Variants in HMCN1 observed in about 807,000 individuals in gnomAD.
HMCN1 encodes the protein hemicentin 1.
Under a neutral mutation model 625.9 loss-of-function variants are expected in HMCN1, and 321 were observed. The observed-to-expected ratio is 0.51, with a 90% CI of 0.47 to 0.56. HMCN1 has a LOEUF of 0.56. Among genes scored for constraint, HMCN1 ranks in the 20% least tolerant of loss-of-function variants. The probability of loss-of-function intolerance (pLI) is 0.00; values close to 1 mark genes in which losing one functional copy is unlikely to be tolerated. For missense variants in HMCN1, 6,588 were observed against 6,887.3 expected (o/e 0.96, Z 1.54); for synonymous variants, 2,425 against 2,417.6 (o/e 1.00, Z -0.09).
Position 185,821,042 on chromosome 1 carries a change from A to AAT in HMCN1, c.269-24973_269-24972dup, listed in dbSNP as rs1247246844. Among the ~76,000 whole-genome samples the AAT allele has an allele frequency of 6.0e-4, 91 of 151,528 alleles. 1 individual carries two copies. The highest frequency in any genetic ancestry group is 1.9e-3 in the African/African-American group (78 of 41,358). On this transcript the variant is annotated intron_variant, in intron 1 of 106. Coordinates refer to ENST00000271588, the MANE Select transcript of HMCN1 (RefSeq NM_031935.3). ...CTGTAATATATATATATGTACATGT[A>AAT]ATATATATATATCTATATATATGCT...
intron 42 of HMCN1, 138 bp from the exon 43 acceptor site, chr1:186,052,814 A>T: frequency 1.4e-6 from 1 of 736,202 alleles, no homozygotes; most frequent in Non-Finnish European, 2.4e-6. Context: ...GGTGACTTTT[A>T]ATTTGATGTT....
At chr1:186,000,591 G>GTGTA (rs1553272429) in intron 26 of HMCN1, among the ~76,000 whole-genome samples, 1 of 146,012 alleles carries the variant, frequency 6.8e-6, no homozygotes, top group Admixed American at 6.8e-5. Flanking sequence ...GTGTGTGTGT[G>GTGTA]TATGTATGTG....
chr1:185,793,589 T>C (rs1658149662), intron 1 of HMCN1, among the ~76,000 whole-genome samples: 1 of 152,226 alleles, frequency 6.6e-6, no homozygotes, highest in African/African-American at 2.4e-5. Context: ...GGGAGGCCAT[T>C]ATTCTGCCTA....
At chr1:185,761,570 A>G (rs1282992199) in intron 1 of HMCN1, among the ~76,000 whole-genome samples, 5 of 152,166 alleles carry the variant, frequency 3.3e-5, no homozygotes, top group Non-Finnish European at 4.4e-5. Context: ...TAATTTCACC[A>G]TCAAAGAGTC....
intron 30 of HMCN1, among the ~76,000 whole-genome samples, chr1:186,007,922 C>T (rs928132905): frequency 1.3e-5 from 2 of 152,108 alleles, no homozygotes; most frequent in Admixed American, 1.3e-4. Context: ...GAATGGAACT[C>T]AATAGACCTG....
intron 11 of HMCN1, among the ~76,000 whole-genome samples, chr1:185,944,793 G>A (rs1329694218): frequency 6.6e-6 from 1 of 152,206 alleles, no homozygotes; most frequent in African/African-American, 2.4e-5. Context: ...TGTCTTCAGT[G>A]TGTAACATAA....
chr1:185,995,885 G>A (rs1013173686), intron 24 of HMCN1, among the ~76,000 whole-genome samples: 6 of 152,156 alleles, frequency 3.9e-5, no homozygotes, highest in Non-Finnish European at 8.8e-5. Flanking sequence ...AGATAAGCAG[G>A]TATGGTATTT....
chr1:185,870,254 C>T (rs946999199), intron 4 of HMCN1, among the ~76,000 whole-genome samples: 2 of 152,056 alleles, frequency 1.3e-5, no homozygotes, highest in Admixed American at 6.6e-5. Flanking sequence ...CAGTATTATT[C>T]CATTATTTAT....
At chr1:185,868,507 A>C (rs567584767) in intron 4 of HMCN1, among the ~76,000 whole-genome samples, 1 of 152,084 alleles carries the variant, frequency 6.6e-6, no homozygotes, top group Non-Finnish European at 1.5e-5. Flanking sequence ...TGGTTTTATA[A>C]GGGGCCTTTC....
intron 29 of HMCN1, among the ~76,000 whole-genome samples, chr1:186,005,244 C>T (rs28595149): frequency 0.97 from 70,976 of 73,004 alleles, 34,792 homozygotes; most frequent in Non-Finnish European, 0.99. Flanking sequence ...TGTTTATAAA[C>T]GTTTATAAAC....
At chr1:185,819,746 A>G (rs1314905570) in intron 1 of HMCN1, among the ~76,000 whole-genome samples, 1 of 152,226 alleles carries the variant, frequency 6.6e-6, no homozygotes, top group Non-Finnish European at 1.5e-5. Context: ...ATTGCCCCAA[A>G]TATTTGAAAA....
intron 1 of HMCN1, among the ~76,000 whole-genome samples, chr1:185,844,075 G>A (rs1661656504): frequency 6.6e-6 from 1 of 151,936 alleles, no homozygotes; most frequent in African/African-American, 2.4e-5. Flanking sequence ...GATTATTTCA[G>A]TATTATGCAA....
intron 1 of HMCN1, among the ~76,000 whole-genome samples, chr1:185,764,767 A>C (rs1025161958): frequency 1.3e-5 from 2 of 152,192 alleles, no homozygotes; most frequent in Non-Finnish European, 2.9e-5. Flanking sequence ...ATTTGAATAA[A>C]GTCTATATGA....
intron 1 of HMCN1, among the ~76,000 whole-genome samples, chr1:185,826,618 C>A (rs535436368): frequency 6.6e-6 from 1 of 152,216 alleles, no homozygotes; most frequent in South Asian, 2.1e-4. Flanking sequence ...AAAAGATGGG[C>A]CAACCACATG....
intron 1 of HMCN1, among the ~76,000 whole-genome samples, chr1:185,735,559 G>T (rs767072919): frequency 2.0e-5 from 3 of 152,260 alleles, no homozygotes; most frequent in Non-Finnish European, 4.4e-5. Context: ...GAAAAGAAAA[G>T]AGAGAAACCA....
intron 4 of HMCN1, among the ~76,000 whole-genome samples, chr1:185,889,680 A>G (rs538538267): frequency 4.3e-5 from 6 of 138,756 alleles, no homozygotes; most frequent in South Asian, 2.3e-4. Flanking sequence ...ATGGTGGATA[A>G]GCTTTTTGAT....
Position 186,015,906 on chromosome 1 carries a change from A to G in HMCN1, c.4910-52A>G, listed in dbSNP as rs940926129. The G allele has an allele frequency of 5.3e-6, 8 of 1,500,516 alleles. No homozygotes were observed. In the African/African-American group the frequency reaches 8.3e-5, roughly 16 times the overall value. 93.0% of individuals were successfully genotyped at this position (1,500,516 alleles called of 1,614,324 possible). On this transcript the variant is annotated intron_variant, in intron 31 of 106. Transcript: ENST00000271588. ...GCTCTTCTTTATTTCATTAGAATGT[A>G]TTTTGTGACCACACAAATAATTGCC...
chr1:186,119,641 TA>T, intron 78 of HMCN1, 103 bp from the exon 79 acceptor site: 1 of 1,158,798 alleles, frequency 8.6e-7, no homozygotes, highest in South Asian at 1.3e-5. Context: ...AAATCACTAA[TA>T]TTTTAGAATT....
Position 186,172,119 on chromosome 1 carries a change from G to T in HMCN1, c.15802G>T (p.Gly5268Ter). Residue 5268 changes from glycine to a stop codon, truncating the protein, a stop_gained, in exon 102 of 107, where the codon GGA (glycine) becomes TGA (stop). Transcript: ENST00000271588. LOFTEE classifies it high-confidence loss of function. Reference protein sequence around the residue: ...CPNGMTKAENGTCIDIDECKD... With the variant: ...CPNGMTKAEN ...AAATGGAATGACCAAGGCAGAAAAT[G>T]GAACCTGTATTGGTGAGTGTCTGGC... The T allele has an allele frequency of 6.2e-7, 1 of 1,613,770 alleles. No homozygotes were observed. Among genetic ancestry groups the T allele is most frequent in the Non-Finnish European group, 8.5e-7 (1 of 1,179,696 alleles).
Sources: allele counts gnomAD v4.1 joint callset (sites outside exome capture counted in the v4.1 genomes callset), GRCh38; gene constraint gnomAD v4.1.1; transcripts MANE v1.5; gene names NCBI Gene and HGNC (gene_info 2026-07-23, HGNC 2026-07-21).